Variants in FCHSD2 observed in about 807,000 individuals in gnomAD.
FCHSD2 encodes the protein FCH and double SH3 domains 2, also known as F-BAR and double SH3 domains protein 2.
In FCHSD2, 38 loss-of-function variants were observed where a neutral mutation model predicts 108.1. The observed-to-expected ratio is 0.35, with a 90% CI of 0.27 to 0.46. FCHSD2 has a LOEUF of 0.46. FCHSD2 is among the 20% of genes least tolerant of loss of function. The pLI, the probability that FCHSD2 is intolerant of heterozygous loss-of-function variation, is 1.00. For synonymous variants in FCHSD2, 279 were observed against 314.7 expected (o/e 0.89, Z 1.20); for missense variants, 751 against 897.8 (o/e 0.84, Z 2.09).
chr11:73,039,974 C>T (rs1858595292), intron 3 of FCHSD2, among the ~76,000 whole-genome samples: 1 of 152,090 alleles, frequency 6.6e-6, no homozygotes, highest in Admixed American at 6.5e-5. Flanking sequence ...TATGGAAATA[C>T]ATAGTTGTGC....
intron 3 of FCHSD2, among the ~76,000 whole-genome samples, chr11:73,028,713 C>T (rs1413474454): frequency 6.6e-6 from 1 of 152,132 alleles, no homozygotes; most frequent in Non-Finnish European, 1.5e-5. Context: ...ATTGTAATCC[C>T]CATGTGTCAG....
At chr11:73,007,391 C>A (rs1301895271) in intron 4 of FCHSD2, among the ~76,000 whole-genome samples, 1 of 152,022 alleles carries the variant, frequency 6.6e-6, no homozygotes. Flanking sequence ...GAGGCTGAGG[C>A]AGAAGGATTG....
chr11:72,870,180 T>G (rs1364800773), intron 12 of FCHSD2, among the ~76,000 whole-genome samples: 1 of 152,206 alleles, frequency 6.6e-6, no homozygotes, highest in Non-Finnish European at 1.5e-5. Flanking sequence ...CAAAGATTTT[T>G]CTAAGTATTT....
chr11:72,915,515 G>A (rs1180520320), intron 9 of FCHSD2, among the ~76,000 whole-genome samples: 1 of 152,136 alleles, frequency 6.6e-6, no homozygotes, highest in Non-Finnish European at 1.5e-5. Context: ...ACCAATGATA[G>A]ACTGGATATA....
intron 2 of FCHSD2, among the ~76,000 whole-genome samples, chr11:73,125,179 C>G (rs1860824158): frequency 6.6e-6 from 1 of 152,184 alleles, no homozygotes; most frequent in South Asian, 2.1e-4. Context: ...GATGGAAACT[C>G]AAACCTGTAT....
intron 14 of FCHSD2, among the ~76,000 whole-genome samples, chr11:72,849,362 A>C (rs757991632): frequency 1.5e-4 from 23 of 152,248 alleles, no homozygotes; most frequent in African/African-American, 5.5e-4. Context: ...TGGAGCATCA[A>C]AGAAATATGA....
intron 10 of FCHSD2, among the ~76,000 whole-genome samples, chr11:72,898,841 C>T (rs1855471819): frequency 6.6e-6 from 1 of 151,926 alleles, no homozygotes; most frequent in African/African-American, 2.4e-5. Flanking sequence ...GTGATCCTCC[C>T]ACTTCAGCTT....
chr11:72,952,776 C>T (rs553719572), intron 8 of FCHSD2, among the ~76,000 whole-genome samples: 1 of 152,206 alleles, frequency 6.6e-6, no homozygotes, highest in African/African-American at 2.4e-5. Flanking sequence ...CAGGCACTTA[C>T]ACATATTTAC....
At chr11:72,889,158 A>G (rs1376356743) in intron 11 of FCHSD2, among the ~76,000 whole-genome samples, 1 of 150,510 alleles carries the variant, frequency 6.6e-6, no homozygotes, top group Non-Finnish European at 1.5e-5. Context: ...GTTTCACCGT[A>G]ACACATGTTA....
intron 3 of FCHSD2, among the ~76,000 whole-genome samples, chr11:73,068,829 AAAAG>A (rs1859362064): frequency 1.3e-5 from 2 of 148,296 alleles, no homozygotes; most frequent in South Asian, 2.1e-4. Flanking sequence ...AAAAAAAAAA[AAAAG>A]AAAAAGAAAA....
intron 8 of FCHSD2, chr11:72,940,880 A>C (rs1856403050): frequency 3.3e-6 from 3 of 916,618 alleles, no homozygotes; most frequent in Admixed American, 1.7e-5. Context: ...TACACATACA[A>C]ATTTTTTGAG....
intron 8 of FCHSD2, among the ~76,000 whole-genome samples, chr11:72,948,671 C>T (rs1418193840): frequency 1.4e-5 from 2 of 146,110 alleles, no homozygotes; most frequent in African/African-American, 2.5e-5. Context: ...ATTTTCATTT[C>T]TTTTTTTTTT....
rs182697946 is a variant in FCHSD2, at chr11:72,910,812, A to G, written c.829-8174T>C. 1.3e-3 allele frequency among the ~76,000 whole-genome samples: 187 copies of G among 148,202 alleles called. 1 individual carries two copies. Among genetic ancestry groups the G allele is most frequent in the African/African-American group, 4.5e-3 (179 of 39,602 alleles). ...CCCCCTCTCCGAGAAACACCCAAGAATGATCAATAAATACTAAAAAAAAAA... is the reference window on the plus strand; with the variant it reads ...CCCCCTCTCCGAGAAACACCCAAGAGTGATCAATAAATACTAAAAAAAAAA... On this transcript the variant is annotated intron_variant, in intron 9 of 19. Coordinates refer to ENST00000409418, the MANE Select transcript of FCHSD2 (RefSeq NM_014824.3).
chr11:72,945,802 T>C (rs563744279), intron 8 of FCHSD2, among the ~76,000 whole-genome samples: 50 of 152,270 alleles, frequency 3.3e-4, no homozygotes, highest in African/African-American at 1.2e-3. Context: ...AAAATGCTCA[T>C]CATCAATGGA....
intron 8 of FCHSD2, among the ~76,000 whole-genome samples, chr11:72,950,561 C>G (rs1417423331): frequency 1.3e-5 from 2 of 152,044 alleles, no homozygotes; most frequent in African/African-American, 4.8e-5. Context: ...TTCAGTTGTG[C>G]CAGTACAATT....
intron 3 of FCHSD2, among the ~76,000 whole-genome samples, chr11:73,051,087 G>A (rs1858887924): frequency 6.6e-6 from 1 of 152,176 alleles, no homozygotes. Context: ...AGGCCAAGGT[G>A]GGAGGATCGC....
chr11:72,842,974 C>T, intron 16 of FCHSD2, 133 bp from the exon 17 acceptor site: 1 of 880,722 alleles, frequency 1.1e-6, no homozygotes, highest in South Asian at 1.7e-5. Context: ...TTTTTACTCA[C>T]TGATGAATGA....
intron 3 of FCHSD2, among the ~76,000 whole-genome samples, chr11:73,061,984 T>C (rs972393457): frequency 2.0e-5 from 3 of 152,218 alleles, no homozygotes; most frequent in African/African-American, 7.2e-5. Flanking sequence ...CCTCCTCAAG[T>C]GGGTCCCTGA....
chr11:73,067,273 T>C (rs912744905), intron 3 of FCHSD2, among the ~76,000 whole-genome samples: 2 of 151,236 alleles, frequency 1.3e-5, no homozygotes, highest in African/African-American at 2.4e-5. Context: ...TAAGTGGGAG[T>C]TGAACAATGA....
Sources: gnomAD v4.1 joint callset for allele counts (sites outside exome capture counted in the v4.1 genomes callset) on GRCh38, gnomAD v4.1.1 for gene constraint, MANE v1.5 for transcripts, NCBI Gene and HGNC (gene_info 2026-07-23, HGNC 2026-07-21) for gene names.